The following AFF1 variants were observed in gnomAD, a reference collection of about 807,000 sequenced individuals.
AFF1 encodes the protein ALF transcription elongation factor 1, also known as AF4/FMR2 family member 1.
AFF1 carries 48 observed loss-of-function variants against 121.7 expected under a neutral mutation model. That is an observed-to-expected ratio of 0.39 (90% CI 0.31 to 0.50). The LOEUF is 0.50. Among genes scored for constraint, AFF1 ranks in the 20% least tolerant of loss-of-function variants. The pLI, the probability that AFF1 is intolerant of heterozygous loss-of-function variation, is 0.76. For missense variants in AFF1, 1,523 were observed against 1,511.7 expected, an observed-to-expected ratio of 1.01 and a Z score of -0.12; for synonymous variants, 613 against 563.0, an observed-to-expected ratio of 1.09 and a Z score of -1.26.
intron 2 of AFF1, among the ~76,000 whole-genome samples, chr4:87,039,167 C>T (rs1729863512): frequency 6.6e-6 from 1 of 152,244 alleles, no homozygotes; most frequent in South Asian, 2.1e-4. Flanking sequence ...ATCTTTTCCT[C>T]ATCCACATAT....
intron 2 of AFF1, among the ~76,000 whole-genome samples, chr4:86,982,843 G>A: frequency 1.6e-5 from 1 of 63,464 alleles, no homozygotes; most frequent in Non-Finnish European, 2.7e-5. Flanking sequence ...GTAAGACTCT[G>A]TCTCCAAAAA....
At chr4:87,134,442 T>C (rs775162088) in intron 19 of AFF1, 29 bp from the exon 20 acceptor site, 1 of 1,545,936 alleles carries the variant, frequency 6.5e-7, no homozygotes, top group Non-Finnish European at 8.7e-7. Context: ...GACTGACTGA[T>C]CAGTTATCTC....
chr4:87,025,189 C>T (rs979303870), intron 2 of AFF1, among the ~76,000 whole-genome samples: 1 of 152,168 alleles, frequency 6.6e-6, no homozygotes, highest in African/African-American at 2.4e-5. Context: ...GGCACCAAAG[C>T]CTGTGCTCCT....
chr4:87,083,686 G>A lies in AFF1; in HGVS notation c.1060-434G>A, dbSNP rs1359548952. Among the ~76,000 whole-genome samples, 4 of 152,124 alleles carry A rather than the reference G, an allele frequency of 2.6e-5. No homozygotes were observed. In the East Asian group the frequency reaches 7.7e-4, roughly 29 times the overall value. On this transcript the variant is annotated intron_variant, in intron 4 of 20. Coordinates refer to ENST00000395146, the MANE Select transcript of AFF1 (RefSeq NM_001166693.3). ...AATTTTAGAAACTTTTAACCTGAGG[G>A]TCAACAGTTAGTCTGCCATTGTCTC...
At chr4:87,035,265 A>G (rs1729443739) in intron 2 of AFF1, among the ~76,000 whole-genome samples, 1 of 152,078 alleles carries the variant, frequency 6.6e-6, no homozygotes, top group African/African-American at 2.4e-5. Flanking sequence ...TACTGCTTGA[A>G]ATACTCACCC....
At chr4:87,135,551 G>C in intron 20 of AFF1, 29 bp from the exon 21 acceptor site, 1 of 1,483,366 alleles carries the variant, frequency 6.7e-7, no homozygotes, top group South Asian at 1.3e-5. Context: ...GTATTTACTT[G>C]TTTTTGTTTT....
intron 2 of AFF1, among the ~76,000 whole-genome samples, chr4:87,009,347 A>C (rs1726493776): frequency 6.6e-6 from 1 of 152,186 alleles, no homozygotes; most frequent in South Asian, 2.1e-4. Flanking sequence ...TTTAATGCTG[A>C]GGTGAGATGT....
chr4:87,011,361 C>CA (rs1272707974), intron 2 of AFF1, among the ~76,000 whole-genome samples: 12 of 152,182 alleles, frequency 7.9e-5, no homozygotes, highest in African/African-American at 2.7e-4. Context: ...GAAGCAAAGT[C>CA]AGATTGTGCC....
chr4:87,113,318 C>G (rs1726745677), intron 11 of AFF1, among the ~76,000 whole-genome samples: 1 of 151,990 alleles, frequency 6.6e-6, no homozygotes, highest in African/African-American at 2.4e-5. Context: ...ATGTGTCACT[C>G]TGTCACCTAA....
chr4:87,111,655 A>G (rs1478303307), intron 11 of AFF1, among the ~76,000 whole-genome samples: 1 of 152,136 alleles, frequency 6.6e-6, no homozygotes, highest in Non-Finnish European at 1.5e-5. Flanking sequence ...CGCCCAGCCT[A>G]AAAAATATTT....
intron 2 of AFF1, among the ~76,000 whole-genome samples, chr4:87,020,037 A>G (rs1343568607): frequency 6.6e-6 from 1 of 152,192 alleles, no homozygotes; most frequent in Non-Finnish European, 1.5e-5. Context: ...CAGAGGAAAA[A>G]CACAGAATTT....
chr4:87,108,193 G>A lies in AFF1; in HGVS notation c.1411G>A (p.Ala471Thr). 4 of 1,614,064 alleles carry A rather than the reference G, an allele frequency of 2.5e-6. No homozygotes were observed. Among genetic ancestry groups the A allele is most frequent in the Non-Finnish European group, 3.4e-6 (4 of 1,179,962 alleles). The change falls in exon 11 of 21, where the codon GCA (alanine) becomes ACA (threonine). Residue 471 changes from alanine to threonine, a missense_variant. Ala to Thr is a moderately conservative substitution (Grantham distance 58, BLOSUM62 0). This residue lies in a region of AFF1 where 905 missense variants were observed against 842.5 expected (regional missense o/e 1.07). Coordinates refer to ENST00000395146, the MANE Select transcript of AFF1 (RefSeq NM_001166693.3). ...PQSLPEPVAS[A>T]HSSSAESEST... is the part of the protein sequence containing the mutation. ...GTCCCTTCCAGAACCAGTGGCATCA[G>A]CACATTCCAGCAGTGCAGAGTCAGA... is the stretch of plus-strand genomic sequence containing the variant.
intron 1 of AFF1, among the ~76,000 whole-genome samples, chr4:86,943,912 G>T (rs980002626): frequency 6.6e-6 from 1 of 151,732 alleles, no homozygotes; most frequent in Non-Finnish European, 1.5e-5. Flanking sequence ...GGTGAGCCAG[G>T]ATCCTGCCAT....
chr4:86,958,486 G>T (rs1721916799), intron 2 of AFF1, among the ~76,000 whole-genome samples: 2 of 152,024 alleles, frequency 1.3e-5, no homozygotes, highest in Admixed American at 1.3e-4. Context: ...GGGAGGCCAC[G>T]GTGGGTAAAT....
In AFF1 at chr4:87,042,030, T is replaced by C. The variant is rs1174313070; in HGVS notation, c.39-4136T>C. Among the ~76,000 whole-genome samples, 6 of 147,590 alleles carry C rather than the reference T, an allele frequency of 4.1e-5. No individual in the cohort carries two copies. In the East Asian group the frequency reaches 1.2e-3, roughly 29 times the overall value. ...ATCTGGAAAAAAAAAAAAAAAAAAG[T>C]TGCTACAGAGTTTGTGAATCATGTA... is the stretch of plus-strand genomic sequence containing the variant. On this transcript the variant is annotated intron_variant, in intron 2 of 20. Transcript: ENST00000395146.
At chr4:87,073,049 G>A (rs1437575144) in intron 4 of AFF1, among the ~76,000 whole-genome samples, 29 of 151,094 alleles carry the variant, frequency 1.9e-4, no homozygotes, top group Admixed American at 1.8e-3. Flanking sequence ...CTAAGATTCA[G>A]TGGGATTAGT....
At chr4:86,953,845 G>C (rs978667483) in intron 2 of AFF1, among the ~76,000 whole-genome samples, 4 of 148,486 alleles carry the variant, frequency 2.7e-5, no homozygotes, top group Middle Eastern at 3.3e-3. Context: ...TCAGCCTCCC[G>C]AGTAGCTGGC....
In AFF1 at chr4:86,949,650, C is replaced by T. The variant is rs929012549; in HGVS notation, c.38+1079C>T. 5 of 1,528,308 alleles carry T rather than the reference C, an allele frequency of 3.3e-6. No individual in the cohort carries two copies. In the East Asian group the frequency reaches 1.2e-4, roughly 37 times the overall value. 94.7% of individuals were successfully genotyped at this position (1,528,308 alleles called of 1,614,324 possible). A position where few individuals can be genotyped will look rare whatever the true frequency, so the allele number is the denominator to read the frequency against. ...GCCACCGGGTTGAGGGGCTGAGCCT[C>T]AGCAGGGGTGAGCGCTCAGAGCAGG... On this transcript the variant is annotated intron_variant, in intron 2 of 20. Coordinates refer to ENST00000395146, the MANE Select transcript of AFF1 (RefSeq NM_001166693.3).
At chr4:87,091,923 G>GAT in intron 7 of AFF1, 94 bp downstream of exon 7, 2 of 800,124 alleles carry the variant, frequency 2.5e-6, no homozygotes, top group Non-Finnish European at 4.0e-6. Flanking sequence ...CCCCAGCAGA[G>GAT]ATGAGGCCTT....
Sources: allele counts gnomAD v4.1 joint callset (sites outside exome capture counted in the v4.1 genomes callset), GRCh38; gene constraint gnomAD v4.1.1; regional missense constraint gnomAD v4.1.1; transcripts MANE v1.5; gene names NCBI Gene and HGNC (gene_info 2026-07-23, HGNC 2026-07-21).